The following PXDNL variants were observed in gnomAD, a reference collection of about 807,000 sequenced individuals.
PXDNL encodes peroxidasin like.
Under a neutral mutation model 150.8 loss-of-function variants are expected in PXDNL, and 145 were observed. The observed-to-expected ratio is 0.96, with a 90% CI of 0.84 to 1.10. The LOEUF (loss-of-function observed/expected upper bound fraction) is 1.10. Ranked by LOEUF, PXDNL falls within the 50% of genes least tolerant of loss-of-function variation. The probability of loss-of-function intolerance (pLI) is 0.00; values close to 1 mark genes in which losing one functional copy is unlikely to be tolerated. For missense variants in PXDNL, 2,087 were observed against 1,873.9 expected (o/e 1.11, Z -2.10); for synonymous variants, 757 against 725.7 (o/e 1.04, Z -0.69).
chr8:51,513,137 T>C (rs1811459325), intron 4 of PXDNL, among the ~76,000 whole-genome samples: 1 of 152,208 alleles, frequency 6.6e-6, no homozygotes, highest in Non-Finnish European at 1.5e-5. Flanking sequence ...AGCAGCAGTG[T>C]TGAAGACCTG....
intron 17 of PXDNL, among the ~76,000 whole-genome samples, chr8:51,379,512 CT>C (rs1324621307): frequency 6.6e-6 from 1 of 151,532 alleles, no homozygotes; most frequent in Non-Finnish European, 1.5e-5. Context: ...ACTTTTTACC[CT>C]TTTTTAATTG....
chr8:51,434,574 T>C (rs940647639), intron 12 of PXDNL, among the ~76,000 whole-genome samples: 8 of 152,244 alleles, frequency 5.3e-5, no homozygotes, highest in Non-Finnish European at 1.0e-4. Flanking sequence ...TCAATATACA[T>C]TAAATGTATT....
chr8:51,455,658 G>A (rs1367819), intron 9 of PXDNL, among the ~76,000 whole-genome samples: 62,313 of 151,946 alleles, frequency 0.41, 15,435 homozygotes, highest in African/African-American at 0.7. Flanking sequence ...AGAGGAAGTC[G>A]TGTTCTCAAA....
At chr8:51,402,438 G>A (rs1343945477) in intron 17 of PXDNL, among the ~76,000 whole-genome samples, 1 of 152,074 alleles carries the variant, frequency 6.6e-6, no homozygotes, top group Non-Finnish European at 1.5e-5. Flanking sequence ...AGAATCACTT[G>A]AATCTTGGAG....
At chr8:51,700,187 ACAC>A (rs1816222868) in intron 1 of PXDNL, among the ~76,000 whole-genome samples, 2 of 151,060 alleles carry the variant, frequency 1.3e-5, no homozygotes, top group African/African-American at 4.9e-5. Flanking sequence ...ACACACACAC[ACAC>A]ACACACCATC....
intron 1 of PXDNL, among the ~76,000 whole-genome samples, chr8:51,797,313 C>G (rs6997032): frequency 0.92 from 139,342 of 152,238 alleles, 64,622 homozygotes; most frequent in East Asian, 1. Flanking sequence ...GGTATTGGAC[C>G]TTCTGGCCAG....
chr8:51,717,272 A>G (rs1208277682), intron 1 of PXDNL, among the ~76,000 whole-genome samples: 1 of 152,208 alleles, frequency 6.6e-6, no homozygotes, highest in Non-Finnish European at 1.5e-5. Context: ...AGCTTGAGAT[A>G]AAGACATAGC....
intron 17 of PXDNL, among the ~76,000 whole-genome samples, chr8:51,407,697 T>C (rs1808475513): frequency 6.6e-6 from 1 of 152,214 alleles, no homozygotes; most frequent in Non-Finnish European, 1.5e-5. Context: ...AGAAGGCCTA[T>C]GTGATCGGCC....
At chr8:51,637,993 G>A (rs182109295) in intron 2 of PXDNL, among the ~76,000 whole-genome samples, 128 of 152,282 alleles carry the variant, frequency 8.4e-4, no homozygotes, top group African/African-American at 2.7e-3. Context: ...TCAGACTAAC[G>A]GCAGATCTGT....
chr8:51,528,755 G>C (rs1489827817), intron 4 of PXDNL, among the ~76,000 whole-genome samples: 1 of 152,172 alleles, frequency 6.6e-6, no homozygotes, highest in African/African-American at 2.4e-5. Flanking sequence ...TGGTTTTGAA[G>C]CTGGAAATGG....
At chr8:51,455,115 C>CAAAAAAAAAAAAAAAAA (rs536468204) in intron 9 of PXDNL, among the ~76,000 whole-genome samples, 1,947 of 15,810 alleles carry the variant, frequency 0.12, 768 homozygotes, top group Middle Eastern at 0.33. Context: ...GACTCCGTCT[C>CAAAAAAAAAAAAAAAAA]AAAAAAAAAA....
intron 4 of PXDNL, among the ~76,000 whole-genome samples, chr8:51,527,050 C>T (rs189463276): frequency 6.0e-4 from 91 of 152,330 alleles, no homozygotes; most frequent in African/African-American, 2.1e-3. Context: ...TTCCCCACTG[C>T]AAGGGTCTTC....
At chr8:51,565,458 C>G (rs941733608) in intron 3 of PXDNL, among the ~76,000 whole-genome samples, 3 of 151,798 alleles carry the variant, frequency 2.0e-5, no homozygotes, top group Non-Finnish European at 2.9e-5. Flanking sequence ...ATGCAGGTAT[C>G]TGGTGATGCC....
intron 1 of PXDNL, among the ~76,000 whole-genome samples, chr8:51,664,037 C>T (rs547319372): frequency 1.5e-4 from 19 of 130,700 alleles, no homozygotes; most frequent in Non-Finnish European, 2.3e-4. Context: ...GGCAACAGAG[C>T]GAGACTCTGT....
chr8:51,536,059 C>T (rs994413669), intron 4 of PXDNL, among the ~76,000 whole-genome samples: 4 of 152,294 alleles, frequency 2.6e-5, no homozygotes, highest in Non-Finnish European at 4.4e-5. Flanking sequence ...CCATGGTGAT[C>T]GGGCCAGCAA....
At chr8:51,665,071 C>T (rs1815354094) in intron 1 of PXDNL, among the ~76,000 whole-genome samples, 1 of 152,182 alleles carries the variant, frequency 6.6e-6, no homozygotes, top group Admixed American at 6.5e-5. Flanking sequence ...GCTCGGGTGC[C>T]TCTTGCTGCC....
intron 20 of PXDNL, among the ~76,000 whole-genome samples, chr8:51,341,507 C>G (rs1219680): frequency 0.22 from 33,442 of 151,942 alleles, 3,829 homozygotes; most frequent in Middle Eastern, 0.3. Context: ...CTATTTGAAA[C>G]TATACAGTAC....
intron 1 of PXDNL, among the ~76,000 whole-genome samples, chr8:51,743,953 A>G (rs1413853497): frequency 1.5e-4 from 2 of 13,314 alleles, no homozygotes; most frequent in Non-Finnish European, 4.8e-4. Context: ...AGAAAGAGAG[A>G]AAGAAAAAAG....
chr8:51,780,988 C>T lies in PXDNL; in HGVS notation c.164+28193G>A, dbSNP rs551859310. On this transcript the variant is annotated intron_variant, in intron 1 of 22. Coordinates refer to ENST00000356297, the MANE Select transcript of PXDNL (RefSeq NM_144651.5). ...GGGGCCTCTTTCATAGAACACCAAC[C>T]CCATTCATGAGGGTTCCACCTTTAT... Among the ~76,000 whole-genome samples, 46 of 152,140 alleles carry T rather than the reference C, an allele frequency of 3.0e-4. 1 individual carries two copies. In the South Asian group the frequency reaches 9.5e-3, roughly 32 times the overall value.
Sources: gnomAD v4.1 joint callset for allele counts (sites outside exome capture counted in the v4.1 genomes callset) on GRCh38, gnomAD v4.1.1 for gene constraint, MANE v1.5 for transcripts, NCBI Gene and HGNC (gene_info 2026-07-23, HGNC 2026-07-21) for gene names.